ATP8A2: variants seen among roughly 807,000 people sequenced by gnomAD.
The protein encoded by ATP8A2 is phospholipid-transporting ATPase IB.
Under a neutral mutation model 165.6 loss-of-function variants are expected in ATP8A2, and 100 were observed. That is an observed-to-expected ratio of 0.60 (90% CI 0.51 to 0.71). ATP8A2 has a LOEUF of 0.71. Ranked by LOEUF, ATP8A2 falls within the 30% of genes least tolerant of loss-of-function variation. The pLI, the probability that ATP8A2 is intolerant of heterozygous loss-of-function variation, is 0.00. For missense variants in ATP8A2, 1,227 were observed against 1,479.5 expected, an observed-to-expected ratio of 0.83 and a Z score of 2.80; for synonymous variants, 543 against 548.8, an observed-to-expected ratio of 0.99 and a Z score of 0.15.
At position 25,420,326 on chromosome 13, in the gene ATP8A2, C is replaced by T. The variant is rs1038846658; in HGVS notation, c.76+48038C>T. ...ACAGGAAGGTGGCACAGCGGGGCTC[C>T]GTGGCCATCAAAGACAAGGATGAAG... On this transcript the variant is annotated intron_variant, in intron 1 of 36. Transcript: ENST00000381655. Among the ~76,000 whole-genome samples the T allele has an allele frequency of 3.3e-5, 5 of 152,268 alleles. No individual in the cohort carries two copies. The South Asian group carries it at 6.2e-4, about 19-fold the overall frequency.
intron 24 of ATP8A2, among the ~76,000 whole-genome samples, chr13:25,657,143 T>G (rs1450158232): frequency 2.0e-5 from 3 of 149,760 alleles, no homozygotes; most frequent in African/African-American, 7.4e-5. Flanking sequence ...GGGAAAAGCC[T>G]AGACTTAAGA....
rs140182718 is a variant in ATP8A2 at position 25,491,428 on chromosome 13, A to G, written c.221+22307A>G. ...TATTTTGTAGAGATGGGGTCTTGCT[A>G]TGTTGCCCAGCCTGGTCTTGAACTC... On this transcript the variant is annotated intron_variant, in intron 2 of 36. Coordinates refer to ENST00000381655, the MANE Select transcript of ATP8A2 (RefSeq NM_016529.6). 8.1e-4 allele frequency among the ~76,000 whole-genome samples: 123 copies of G among 151,414 alleles called. 2 individuals carry two copies. In the East Asian group the frequency reaches 0.02, roughly 25 times the overall value.
chr13:25,535,406 A>T (rs2038246119), intron 6 of ATP8A2, among the ~76,000 whole-genome samples: 1 of 152,088 alleles, frequency 6.6e-6, no homozygotes, highest in African/African-American at 2.4e-5. Flanking sequence ...AAATTAAGAG[A>T]CTTGAGGAAC....
chr13:25,883,899 C>T (rs756674368), intron 33 of ATP8A2, among the ~76,000 whole-genome samples: 3 of 152,144 alleles, frequency 2.0e-5, no homozygotes, highest in Non-Finnish European at 4.4e-5. Flanking sequence ...GGTGGAGACA[C>T]TGCTTTTACC....
chr13:25,929,717 G>T (rs1954711513), intron 33 of ATP8A2, among the ~76,000 whole-genome samples: 1 of 152,036 alleles, frequency 6.6e-6, no homozygotes, highest in African/African-American at 2.4e-5. Context: ...ATTAGATGTG[G>T]TGGCGCTGCA....
chr13:25,996,761 G>A (rs958889699), intron 35 of ATP8A2, among the ~76,000 whole-genome samples: 29 of 152,116 alleles, frequency 1.9e-4, no homozygotes, highest in African/African-American at 5.1e-4. Context: ...TCAGCTCACC[G>A]CAACCTCTAC....
At chr13:25,492,045 A>C (rs553423443) in intron 2 of ATP8A2, among the ~76,000 whole-genome samples, 2 of 152,068 alleles carry the variant, frequency 1.3e-5, no homozygotes, top group Admixed American at 1.3e-4. Flanking sequence ...TACTGGCATG[A>C]TTAGATGCAG....
intron 35 of ATP8A2, among the ~76,000 whole-genome samples, chr13:26,006,205 A>G (rs1956732642): frequency 6.6e-6 from 1 of 152,060 alleles, no homozygotes; most frequent in South Asian, 2.1e-4. Flanking sequence ...AGTGTTTTAT[A>G]GTTTTTTTAT....
intron 33 of ATP8A2, chr13:25,880,855 T>C: frequency 2.2e-6 from 1 of 451,426 alleles, no homozygotes; most frequent in Non-Finnish European, 4.4e-6. Context: ...GGTGGCTCAT[T>C]TTACCAGTTT....
Position 25,750,602 on chromosome 13 carries a change from G to A in ATP8A2, c.2385-18444G>A, listed in dbSNP as rs775294945. ...TCAGCAGGGCCCTTCGCCCCACCAC[G>A]TGATGGGATTCTAGAAATGAGTGTG... On this transcript the variant is annotated intron_variant, in intron 25 of 36. Transcript: ENST00000381655. The surrounding 1 kb of genome is among the most constrained non-coding windows in gnomAD (Gnocchi z 4.3). 2.6e-5 allele frequency among the ~76,000 whole-genome samples: 4 copies of A among 152,146 alleles called. No homozygotes were observed. Among genetic ancestry groups the A allele is most frequent in the African/African-American group, 7.2e-5 (3 of 41,434 alleles).
chr13:25,469,983 T>C (rs1407089056), intron 2 of ATP8A2, among the ~76,000 whole-genome samples: 2 of 152,260 alleles, frequency 1.3e-5, no homozygotes, highest in African/African-American at 4.8e-5. Flanking sequence ...AACACCATGC[T>C]TGGGTGTAGA....
chr13:25,708,836 T>G (rs1172363939), intron 25 of ATP8A2, among the ~76,000 whole-genome samples: 2 of 152,204 alleles, frequency 1.3e-5, no homozygotes, highest in Non-Finnish European at 2.9e-5. Flanking sequence ...ACAAGTAAAT[T>G]TTGTCAGCAG....
intron 34 of ATP8A2, among the ~76,000 whole-genome samples, chr13:25,965,619 CT>C (rs1432112876): frequency 6.6e-6 from 1 of 152,214 alleles, no homozygotes; most frequent in African/African-American, 2.4e-5. Context: ...AAAATGTTTA[CT>C]GATGACAGCA....
chr13:25,573,173 A>G (rs990908660), intron 18 of ATP8A2, among the ~76,000 whole-genome samples: 5 of 152,134 alleles, frequency 3.3e-5, no homozygotes, highest in African/African-American at 1.2e-4. Flanking sequence ...TTTAATCTGA[A>G]CTATAGGATT....
intron 25 of ATP8A2, among the ~76,000 whole-genome samples, chr13:25,730,010 G>T (rs1314629670): frequency 1.3e-5 from 2 of 152,180 alleles, no homozygotes; most frequent in Non-Finnish European, 2.9e-5. Flanking sequence ...TTAGAAAGCA[G>T]CCTGGCGCAG....
intron 24 of ATP8A2, among the ~76,000 whole-genome samples, chr13:25,686,981 G>A (rs529289359): frequency 3.3e-5 from 5 of 152,232 alleles, no homozygotes; most frequent in African/African-American, 9.6e-5. Context: ...TCCTGTAGTC[G>A]ATGTTTCATG....
chr13:25,554,072 C>G, intron 12 of ATP8A2, 152 bp downstream of exon 12: 1 of 776,290 alleles, frequency 1.3e-6, no homozygotes, highest in African/African-American at 1.7e-5. Context: ...CCAGGGATCA[C>G]CAGTGAGGGT....
chr13:25,409,205 A>G (rs2033896290), intron 1 of ATP8A2, among the ~76,000 whole-genome samples: 1 of 152,214 alleles, frequency 6.6e-6, no homozygotes, highest in African/African-American at 2.4e-5. Context: ...ATTGACTTAA[A>G]GTCTGCAGGC....
chr13:25,912,165 C>G (rs1013596235), intron 33 of ATP8A2, among the ~76,000 whole-genome samples: 1 of 142,964 alleles, frequency 7.0e-6, no homozygotes. Context: ...GACACACACA[C>G]ACACACACAC....
Sources: gnomAD v4.1 joint callset for allele counts (sites outside exome capture counted in the v4.1 genomes callset) on GRCh38, gnomAD v4.1.1 for gene constraint, Gnocchi (gnomAD v3.1) non-coding constraint, MANE v1.5 for transcripts, NCBI Gene and HGNC (gene_info 2026-07-23, HGNC 2026-07-21) for gene names.